CACNB2: variants seen among roughly 807,000 people sequenced by gnomAD.
CACNB2 encodes voltage-dependent L-type calcium channel subunit beta-2.
Under a neutral mutation model 73.3 loss-of-function variants are expected in CACNB2, and 42 were observed. That is an observed-to-expected ratio of 0.57 (90% CI 0.45 to 0.74). The LOEUF (loss-of-function observed/expected upper bound fraction) is 0.74. CACNB2 is among the 30% of genes least tolerant of loss of function. The pLI is 0.00. For missense variants in CACNB2, 940 were observed against 853.0 expected (o/e 1.10, Z -1.27); for synonymous variants, 348 against 310.3 (o/e 1.12, Z -1.28).
At chr10:18,311,560 C>T (rs2039966958) in intron 2 of CACNB2, among the ~76,000 whole-genome samples, 1 of 152,094 alleles carries the variant, frequency 6.6e-6, no homozygotes, top group South Asian at 2.1e-4. Context: ...GTACTATGTA[C>T]TGTATTCTTA....
chr10:18,196,309 T>C (rs2034621546), intron 2 of CACNB2, among the ~76,000 whole-genome samples: 2 of 151,510 alleles, frequency 1.3e-5, no homozygotes, highest in African/African-American at 4.9e-5. Flanking sequence ...TTTTTTTTTT[T>C]TGAGACAGGG....
At chr10:18,442,984 ATGTATATATATATGTG>A (rs2046528043) in intron 3 of CACNB2, among the ~76,000 whole-genome samples, 2 of 19,298 alleles carry the variant, frequency 1.0e-4, no homozygotes, top group African/African-American at 1.1e-3. Context: ...ATATATATAT[ATGTATATATATATGTG>A]TATATATATA....
chr10:18,375,259 T>G (rs1344630374), intron 2 of CACNB2, among the ~76,000 whole-genome samples: 3 of 152,130 alleles, frequency 2.0e-5, no homozygotes, highest in African/African-American at 7.2e-5. Flanking sequence ...TGTCTTCTTC[T>G]CTTTTATTTT....
chr10:18,193,733 T>C (rs559578700), intron 2 of CACNB2, among the ~76,000 whole-genome samples: 1 of 152,260 alleles, frequency 6.6e-6, no homozygotes, highest in South Asian at 2.1e-4. Flanking sequence ...AAACTAAAGC[T>C]TTCTGGACAA....
intron 2 of CACNB2, among the ~76,000 whole-genome samples, chr10:18,192,507 G>A (rs2034447569): frequency 6.6e-6 from 1 of 152,042 alleles, no homozygotes; most frequent in African/African-American, 2.4e-5. Flanking sequence ...GCCACCACCT[G>A]TAACCATTTT....
chr10:18,415,689 T>A (rs775813915), intron 3 of CACNB2, among the ~76,000 whole-genome samples: 19 of 152,054 alleles, frequency 1.2e-4, no homozygotes, highest in Non-Finnish European at 2.4e-4. Context: ...AACTATGGGG[T>A]CCAACAACGC....
At chr10:18,404,107 C>T (rs1224279636) in intron 3 of CACNB2, among the ~76,000 whole-genome samples, 1 of 152,012 alleles carries the variant, frequency 6.6e-6, no homozygotes, top group African/African-American at 2.4e-5. Flanking sequence ...ATATACACAT[C>T]TATGTACCCA....
At chr10:18,380,452 C>CTTTTTT (rs757792853) in intron 2 of CACNB2, among the ~76,000 whole-genome samples, 24 of 111,016 alleles carry the variant, frequency 2.2e-4, no homozygotes, top group African/African-American at 2.7e-4. Flanking sequence ...ATGTGTTTTT[C>CTTTTTT]TTTTTTTTTT....
intron 2 of CACNB2, among the ~76,000 whole-genome samples, chr10:18,225,609 C>T (rs2035961746): frequency 7.4e-6 from 1 of 134,386 alleles, no homozygotes; most frequent in Admixed American, 8.1e-5. Flanking sequence ...TCCTTTCTTC[C>T]GTCGTTTCTT....
At chr10:18,393,158 G>A (rs892536731) in intron 2 of CACNB2, among the ~76,000 whole-genome samples, 1 of 147,962 alleles carries the variant, frequency 6.8e-6, no homozygotes, top group Non-Finnish European at 1.5e-5. Context: ...GCAGTGAGCC[G>A]GGATCGCCCC....
intron 2 of CACNB2, among the ~76,000 whole-genome samples, chr10:18,396,081 C>T (rs1054361339): frequency 2.0e-5 from 3 of 152,046 alleles, no homozygotes; most frequent in South Asian, 2.1e-4. Flanking sequence ...CTCAGCCTCC[C>T]GAGTAGCTGG....
At chr10:18,478,458 TCAC>T (rs1382439219) in intron 3 of CACNB2, among the ~76,000 whole-genome samples, 1 of 152,192 alleles carries the variant, frequency 6.6e-6, no homozygotes, top group Non-Finnish European at 1.5e-5. Flanking sequence ...AATGGTGGTG[TCAC>T]CACTTGATGT....
chr10:18,300,488 C>A (rs1378900212), intron 2 of CACNB2, among the ~76,000 whole-genome samples: 1 of 152,210 alleles, frequency 6.6e-6, no homozygotes. Context: ...AATACTATCA[C>A]CTTGTCTAAA....
chr10:18,462,906 G>A (rs541559725), intron 3 of CACNB2, among the ~76,000 whole-genome samples: 1 of 151,904 alleles, frequency 6.6e-6, no homozygotes, highest in South Asian at 2.1e-4. Flanking sequence ...TTACAGGTGT[G>A]TGCCACCACG....
chr10:18,490,961 C>A (rs1051759631), intron 3 of CACNB2, among the ~76,000 whole-genome samples: 2 of 152,188 alleles, frequency 1.3e-5, no homozygotes, highest in South Asian at 4.1e-4. Context: ...GGAATAGCTT[C>A]GCTTTCCTCA....
rs1003513380 is a variant in CACNB2, at chr10:18,514,146, T to C, written c.671-90T>C. The C allele has an allele frequency of 7.9e-6, 11 of 1,387,996 alleles. No homozygotes were observed. In the Admixed American group the frequency reaches 1.2e-4, roughly 15 times the overall value. 86.0% of individuals were successfully genotyped at this position (1,387,996 alleles called of 1,614,324 possible). A position where few individuals can be genotyped will look rare whatever the true frequency, so the allele number is the denominator to read the frequency against. On this transcript the variant is annotated intron_variant, in intron 6 of 13. Transcript: ENST00000324631. ...GAGCACTCATGATAGTTTTTTTTACTATGGTTAGTTTTATTTGCTTTCATT... is the reference window on the plus strand; with the variant it reads ...GAGCACTCATGATAGTTTTTTTTACCATGGTTAGTTTTATTTGCTTTCATT...
intron 2 of CACNB2, among the ~76,000 whole-genome samples, chr10:18,258,502 C>T (rs1286704616): frequency 3.3e-5 from 5 of 152,102 alleles, no homozygotes; most frequent in South Asian, 2.1e-4. Context: ...CCGAGGCGGG[C>T]GGATCACGAG....
At chr10:18,313,815 C>T (rs2040053804) in intron 2 of CACNB2, among the ~76,000 whole-genome samples, 1 of 152,198 alleles carries the variant, frequency 6.6e-6, no homozygotes, top group African/African-American at 2.4e-5. Flanking sequence ...GGTATGTTCC[C>T]ACACTAGCGA....
intron 2 of CACNB2, among the ~76,000 whole-genome samples, chr10:18,335,675 C>T (rs2040973581): frequency 6.6e-6 from 1 of 152,024 alleles, no homozygotes; most frequent in Admixed American, 6.6e-5. Context: ...AGGTCTGTTT[C>T]TCACTGATGC....
Sources: gnomAD v4.1 joint callset for allele counts (sites outside exome capture counted in the v4.1 genomes callset) on GRCh38, gnomAD v4.1.1 for gene constraint, MANE v1.5 for transcripts, NCBI Gene and HGNC (gene_info 2026-07-23, HGNC 2026-07-21) for gene names.